Variants in ARHGEF4 observed in about 807,000 individuals in gnomAD.
The protein encoded by ARHGEF4 is APC-stimulated guanine nucleotide exchange factor 1.
In ARHGEF4, 119 loss-of-function variants were observed where a neutral mutation model predicts 162.0. The ratio of observed to expected loss-of-function variants is 0.73; its 90% CI spans 0.63 to 0.86. The LOEUF (loss-of-function observed/expected upper bound fraction) is 0.86. Among genes scored for constraint, ARHGEF4 ranks in the 40% least tolerant of loss-of-function variants. The pLI, the probability that ARHGEF4 is intolerant of heterozygous loss-of-function variation, is 0.00. For missense variants in ARHGEF4, 2,488 were observed against 2,456.0 expected, an observed-to-expected ratio of 1.01 and a Z score of -0.28; for synonymous variants, 1,014 against 979.9, an observed-to-expected ratio of 1.03 and a Z score of -0.65.
chr2:130,953,255 C>T (rs1684065534), intron 4 of ARHGEF4, among the ~76,000 whole-genome samples: 1 of 152,128 alleles, frequency 6.6e-6, no homozygotes, highest in Admixed American at 6.6e-5. Context: ...TAACACCACA[C>T]ATCTACAACC....
chr2:131,041,412 G>A lies in ARHGEF4; in HGVS notation c.4845G>A (p.Lys1615=). 1 of 1,613,274 alleles carries A rather than the reference G, an allele frequency of 6.2e-7. No homozygotes were observed. Among genetic ancestry groups the A allele is most frequent in the Non-Finnish European group, 8.5e-7 (1 of 1,180,032 alleles). ...TGACTCCGGTGCAGAAGATCTGCAA[G>A]TACCCTCTGCAGCTGGCCGAGCTGC... The part of the protein sequence containing the change: ...FLLTPVQKIC[K]YPLQLAELLK... The change falls in exon 9 of 14, where the codon AAG becomes AAA. Residue 1615 remains lysine, a synonymous_variant. Coordinates refer to ENST00000409359, the MANE Select transcript of ARHGEF4 (RefSeq NM_001367493.1).
chr2:130,941,410 G>A (rs969498862), intron 3 of ARHGEF4, among the ~76,000 whole-genome samples: 6 of 151,758 alleles, frequency 4.0e-5, no homozygotes, highest in African/African-American at 7.3e-5. Context: ...TACCATGTTC[G>A]CCAGGCTGGT....
At chr2:130,960,193 C>T (rs911303228) in intron 4 of ARHGEF4, among the ~76,000 whole-genome samples, 2 of 152,070 alleles carry the variant, frequency 1.3e-5, no homozygotes, top group Non-Finnish European at 2.9e-5. Flanking sequence ...AATGTGAAGG[C>T]CTAGGATATT....
At chr2:130,926,628 C>T (rs1460013935) in intron 2 of ARHGEF4, among the ~76,000 whole-genome samples, 2 of 152,006 alleles carry the variant, frequency 1.3e-5, no homozygotes, top group African/African-American at 2.4e-5. Context: ...TCTATTGACA[C>T]CTTATGCAAG....
rs187792559 is a variant in ARHGEF4 at position 130,848,652 on chromosome 2, T to C, written c.39+11660T>C. ...TTGAGTGATCCTGTCTCTTCCTCCC[T>C]CCAGTGCCGGGCTTGGAGCTGTGAG... On this transcript the variant is annotated intron_variant, in intron 1 of 13. Coordinates refer to ENST00000409359, the MANE Select transcript of ARHGEF4 (RefSeq NM_001367493.1). Among the ~76,000 whole-genome samples, 405 of 152,240 alleles carry C rather than the reference T, an allele frequency of 2.7e-3. 7 individuals are homozygous for C. Among genetic ancestry groups the C allele is most frequent in the Admixed American group, 0.023 (346 of 15,300 alleles).
chr2:130,845,802 A>G (rs1680916650), intron 1 of ARHGEF4, among the ~76,000 whole-genome samples: 1 of 152,194 alleles, frequency 6.6e-6, no homozygotes, highest in South Asian at 2.1e-4. Flanking sequence ...TGCCATACAC[A>G]TCAGGCCGGA....
At chr2:131,008,294 C>G (rs759600000) in intron 4 of ARHGEF4, among the ~76,000 whole-genome samples, 1 of 152,090 alleles carries the variant, frequency 6.6e-6, no homozygotes, top group Non-Finnish European at 1.5e-5. Flanking sequence ...TACTTGTTTT[C>G]TTAGGATAAA....
At chr2:131,013,611 T>C (rs1324368078) in intron 4 of ARHGEF4, among the ~76,000 whole-genome samples, 1 of 152,176 alleles carries the variant, frequency 6.6e-6, no homozygotes, top group Non-Finnish European at 1.5e-5. Context: ...GATTGATTGA[T>C]TGATTTTGAG....
intron 4 of ARHGEF4, among the ~76,000 whole-genome samples, chr2:130,999,189 C>T (rs1482585210): frequency 4.9e-5 from 7 of 142,264 alleles, no homozygotes; most frequent in Non-Finnish European, 9.0e-5. Context: ...GACGGAGTCT[C>T]GCTCTGTTGC....
At chr2:130,892,491 A>C (rs140971105) in intron 1 of ARHGEF4, among the ~76,000 whole-genome samples, 1,828 of 152,054 alleles carry the variant, frequency 0.012, 16 homozygotes, top group Non-Finnish European at 0.019. Flanking sequence ...GGGTCCCATG[A>C]CCTCCCTTCC....
intron 4 of ARHGEF4, among the ~76,000 whole-genome samples, chr2:130,964,708 T>A (rs994846542): frequency 6.6e-6 from 1 of 152,242 alleles, no homozygotes; most frequent in Non-Finnish European, 1.5e-5. Flanking sequence ...TTGCGCCACC[T>A]GGCTGTGAGT....
At chr2:130,943,459 G>A (rs1683425012) in intron 3 of ARHGEF4, among the ~76,000 whole-genome samples, 1 of 151,912 alleles carries the variant, frequency 6.6e-6, no homozygotes, top group African/African-American at 2.4e-5. Context: ...ATTTATTGAT[G>A]GTTTGGATTT....
chr2:130,972,349 G>A (rs952354239), intron 4 of ARHGEF4, among the ~76,000 whole-genome samples: 4 of 152,048 alleles, frequency 2.6e-5, no homozygotes, highest in African/African-American at 9.7e-5. Context: ...AAAAGAAAAA[G>A]GAGATCCTTA....
rs1385901387 is a variant in ARHGEF4 at position 131,038,882 on chromosome 2, T to G, written c.4155T>G (p.Ala1385=). Residue 1385 remains alanine, a synonymous_variant, in exon 6 of 14, where the codon GCT becomes GCG. Coordinates refer to ENST00000409359, the MANE Select transcript of ARHGEF4 (RefSeq NM_001367493.1). ...TCAGCGATGGCAGTGTGGTCTGCGC[T>G]GAAGCACTCTGGGACCATGTCACCA... ...ELISDGSVVC[A]EALWDHVTMD... The G allele has an allele frequency of 9.9e-6, 16 of 1,613,208 alleles. No homozygotes were observed. Among genetic ancestry groups the G allele is most frequent in the Non-Finnish European group, 1.4e-5 (16 of 1,179,902 alleles).
At chr2:130,926,287 T>C (rs1022327440) in intron 2 of ARHGEF4, among the ~76,000 whole-genome samples, 1 of 152,116 alleles carries the variant, frequency 6.6e-6, no homozygotes, top group Non-Finnish European at 1.5e-5. Context: ...TGAGCTGTTC[T>C]ATTTTTCATT....
Position 130,916,220 on chromosome 2 carries a change from T to G in ARHGEF4, c.2274T>G (p.Gly758=), listed in dbSNP as rs1327722157. The change falls in exon 2 of 14, where the codon GGT becomes GGG. Residue 758 remains glycine, a synonymous_variant. Coordinates refer to ENST00000409359, the MANE Select transcript of ARHGEF4 (RefSeq NM_001367493.1). The part of the protein sequence containing the change: ...ERGPEEAPEG[G]AAAARGQRPR... ...GCCCGGAGGAGGCCCCCGAAGGCGGTGCTGCAGCAGCCCGGGGCCAGCGCC... is the reference window on the plus strand; with the variant it reads ...GCCCGGAGGAGGCCCCCGAAGGCGGGGCTGCAGCAGCCCGGGGCCAGCGCC... The G allele has an allele frequency of 2.0e-5, 31 of 1,543,150 alleles. No homozygotes were observed. The highest frequency in any genetic ancestry group is 2.5e-5 in the Non-Finnish European group (29 of 1,144,744).
At chr2:131,009,651 T>C (rs1190798277) in intron 4 of ARHGEF4, among the ~76,000 whole-genome samples, 1 of 152,226 alleles carries the variant, frequency 6.6e-6, no homozygotes, top group Admixed American at 6.5e-5. Context: ...TAAATATTTT[T>C]ATTTTGATAC....
intron 4 of ARHGEF4, among the ~76,000 whole-genome samples, chr2:130,950,934 G>A (rs1383696580): frequency 2.6e-5 from 4 of 152,198 alleles, no homozygotes; most frequent in Non-Finnish European, 4.4e-5. Context: ...CCACTGATGA[G>A]CAATTGGATT....
chr2:130,949,713 G>A (rs1257118154), intron 4 of ARHGEF4, among the ~76,000 whole-genome samples: 2 of 152,010 alleles, frequency 1.3e-5, no homozygotes, highest in East Asian at 1.9e-4. Flanking sequence ...TGGTGCGATC[G>A]ATCTCGGCTC....
Sources: allele counts gnomAD v4.1 joint callset (sites outside exome capture counted in the v4.1 genomes callset), GRCh38; gene constraint gnomAD v4.1.1; transcripts MANE v1.5; gene names NCBI Gene and HGNC (gene_info 2026-07-23, HGNC 2026-07-21).